The following CEP63 variants were observed in gnomAD, a reference collection of about 807,000 sequenced individuals.
The protein encoded by CEP63 is centrosomal protein 63.
In CEP63, 84 loss-of-function variants were observed where a neutral mutation model predicts 89.1. The ratio of observed to expected loss-of-function variants is 0.94; its 90% CI spans 0.79 to 1.13. CEP63 has a LOEUF of 1.13. CEP63 is among the 50% of genes most tolerant of loss of function. CEP63 has a pLI of 0.00. For synonymous variants in CEP63, 267 were observed against 272.5 expected (o/e 0.98, Z 0.20); for missense variants, 838 against 813.3 (o/e 1.03, Z -0.37).
At chr3:134,604,141 G>A in the CEP63 span, 1 of 1,608,394 alleles carries the variant, frequency 6.2e-7, no homozygotes, top group Non-Finnish European at 8.5e-7. Flanking sequence ...CCCGTCGCTG[G>A]TGTGGATGAT....
intron 1 of CEP63, among the ~76,000 whole-genome samples, chr3:134,488,974 G>A (rs1444184919): frequency 6.6e-6 from 1 of 151,864 alleles, no homozygotes; most frequent in Non-Finnish European, 1.5e-5. Context: ...TGACCAACAT[G>A]GTGAAACCCC....
chr3:134,668,167 T>A, the CEP63 span, among the ~76,000 whole-genome samples: 1 of 152,250 alleles, frequency 6.6e-6, no homozygotes, highest in Middle Eastern at 3.4e-3. Flanking sequence ...AAAATCCTAC[T>A]GATGGAAATA....
At chr3:134,611,560 C>T in the CEP63 span, among the ~76,000 whole-genome samples, 1 of 152,264 alleles carries the variant, frequency 6.6e-6, no homozygotes, top group Admixed American at 6.5e-5. Context: ...TTTCCTTGCA[C>T]TCATGGAAAA....
the CEP63 span, among the ~76,000 whole-genome samples, chr3:134,680,644 G>A: frequency 6.6e-6 from 1 of 152,188 alleles, no homozygotes; most frequent in Non-Finnish European, 1.5e-5. Flanking sequence ...AAGCATACAG[G>A]TTTTAGTTTG....
chr3:134,746,984 T>C, the CEP63 span, among the ~76,000 whole-genome samples: 3 of 152,234 alleles, frequency 2.0e-5, no homozygotes, highest in African/African-American at 7.2e-5. Context: ...TTTTTAGTCA[T>C]GAAGTCCTTG....
the CEP63 span, among the ~76,000 whole-genome samples, chr3:134,733,736 A>T: frequency 6.6e-6 from 1 of 152,148 alleles, no homozygotes; most frequent in Admixed American, 6.5e-5. Flanking sequence ...GTAAGGAAGG[A>T]TTCACTCCTA....
the CEP63 span, among the ~76,000 whole-genome samples, chr3:134,724,459 T>C: frequency 1.3e-5 from 2 of 152,176 alleles, no homozygotes; most frequent in African/African-American, 4.8e-5. Context: ...CTTCCAAAAA[T>C]ATTCTCACTG....
chr3:134,774,616 T>A, the CEP63 span, among the ~76,000 whole-genome samples: 1 of 152,204 alleles, frequency 6.6e-6, no homozygotes, highest in Non-Finnish European at 1.5e-5. Flanking sequence ...AAAGTAAATA[T>A]CTCAATCACC....
chr3:134,592,446 AC>A (rs1958615368), downstream of CEP63, among the ~76,000 whole-genome samples: 1 of 144,760 alleles, frequency 6.9e-6, no homozygotes, highest in African/African-American at 2.6e-5. Flanking sequence ...TTTTCAAACA[AC>A]CACAAATGCC....
downstream of CEP63, among the ~76,000 whole-genome samples, chr3:134,577,527 A>G (rs1002856442): frequency 2.8e-5 from 4 of 141,822 alleles, no homozygotes; most frequent in African/African-American, 1.1e-4. Context: ...CCCGAGTTCA[A>G]GCAATTCTCA....
In CEP63 at chr3:134,561,975, C is replaced by G. The variant is rs1391045094; in HGVS notation, c.*440C>G. The G allele has an allele frequency of 2.9e-6, 3 of 1,019,042 alleles. No individual in the cohort carries two copies. The highest frequency in any genetic ancestry group is 9.8e-5 in the East Asian group (1 of 10,158). The allele number at this position is 1,019,042 out of a possible 1,614,324, so 63.1% of individuals were successfully genotyped here. ...ATCGATAGACTGGTTTTGCCACTTA[C>G]CAGCCAACGGGGCTTGTTATTTACT... On this transcript the variant is annotated 3_prime_UTR_variant, in exon 15 of 15. Transcript: ENST00000675561.
At chr3:134,688,256 A>G in the CEP63 span, among the ~76,000 whole-genome samples, 1 of 152,250 alleles carries the variant, frequency 6.6e-6, no homozygotes, top group Non-Finnish European at 1.5e-5. Context: ...AGTATGGATC[A>G]ACATACTATA....
At chr3:134,685,810 G>C in the CEP63 span, among the ~76,000 whole-genome samples, 1 of 152,192 alleles carries the variant, frequency 6.6e-6, no homozygotes, top group Non-Finnish European at 1.5e-5. Context: ...GTACACAAAG[G>C]ATGAGAACAG....
chr3:134,531,136 G>A (rs930836636), intron 3 of CEP63, among the ~76,000 whole-genome samples: 2 of 152,132 alleles, frequency 1.3e-5, no homozygotes, highest in Admixed American at 6.5e-5. Context: ...CCTGTCTGAC[G>A]TTACTATTCT....
the CEP63 span, among the ~76,000 whole-genome samples, chr3:134,593,742 C>G: frequency 4.1e-4 from 63 of 152,300 alleles, no homozygotes; most frequent in African/African-American, 1.4e-3. Context: ...GGCCATCTTT[C>G]CAGAGGAAGC....
At chr3:134,629,769 TG>T in the CEP63 span, 1 of 867,894 alleles carries the variant, frequency 1.2e-6, no homozygotes, top group African/African-American at 1.7e-5. Context: ...GACTGATGAT[TG>T]AATAAAAAAA....
chr3:134,631,053 C>A, the CEP63 span, among the ~76,000 whole-genome samples: 1 of 152,078 alleles, frequency 6.6e-6, no homozygotes, highest in African/African-American at 2.4e-5. Flanking sequence ...CCAGTTTGAA[C>A]AATAGAAAAT....
At chr3:134,586,397 A>G (rs1324123656) in intron 10 of CEP63, among the ~76,000 whole-genome samples, 1 of 151,168 alleles carries the variant, frequency 6.6e-6, no homozygotes, top group Non-Finnish European at 1.5e-5. Flanking sequence ...GGTGGTGACA[A>G]AATCTCTCAG....
the CEP63 span, chr3:134,651,635 C>G: frequency 1.0e-6 from 1 of 986,054 alleles, no homozygotes; most frequent in Non-Finnish European, 1.2e-6. Context: ...CAGTTACGGC[C>G]CCTGTAGAAC....
Sources: gnomAD v4.1 joint callset for allele counts (sites outside exome capture counted in the v4.1 genomes callset) on GRCh38, gnomAD v4.1.1 for gene constraint, MANE v1.5 for transcripts, NCBI Gene and HGNC (gene_info 2026-07-23, HGNC 2026-07-21) for gene names.